EPHA5: variants seen among roughly 807,000 people sequenced by gnomAD.
EPHA5 encodes EPH receptor A5, also known as ephrin type-A receptor 5.
EPHA5 carries 60 observed loss-of-function variants against 105.0 expected under a neutral mutation model. The observed-to-expected ratio is 0.57, with a 90% CI of 0.46 to 0.71. The LOEUF is 0.71. Ranked by LOEUF, EPHA5 falls within the 30% of genes least tolerant of loss-of-function variation. The pLI is 0.00. For synonymous variants in EPHA5, 513 were observed against 449.1 expected (o/e 1.14, Z -1.80); for missense variants, 1,218 against 1,274.7 (o/e 0.96, Z 0.68).
intron 8 of EPHA5, among the ~76,000 whole-genome samples, chr4:65,393,985 G>T (rs1283813337): frequency 6.6e-6 from 1 of 152,106 alleles, no homozygotes; most frequent in Admixed American, 6.5e-5. Flanking sequence ...TACATTAAAT[G>T]GTGAACTAAA....
At chr4:65,407,573 ATG>A (rs1203368964) in intron 7 of EPHA5, among the ~76,000 whole-genome samples, 1 of 151,930 alleles carries the variant, frequency 6.6e-6, no homozygotes, top group African/African-American at 2.4e-5. Flanking sequence ...TTAATATTCT[ATG>A]TGTTTATCTA....
chr4:65,561,558 A>C (rs67430301), intron 3 of EPHA5, among the ~76,000 whole-genome samples: 31,019 of 151,976 alleles, frequency 0.2, 3,296 homozygotes, highest in Non-Finnish European at 0.22. Context: ...TCACATGTTC[A>C]CTTCCTAATT....
chr4:65,561,060 C>T (rs751839658), intron 3 of EPHA5, among the ~76,000 whole-genome samples: 4 of 151,780 alleles, frequency 2.6e-5, no homozygotes, highest in Admixed American at 6.6e-5. Context: ...AGGCATTTAT[C>T]GGTACCAATT....
intron 3 of EPHA5, among the ~76,000 whole-genome samples, chr4:65,538,177 A>T (rs1426616149): frequency 1.3e-5 from 2 of 151,820 alleles, no homozygotes; most frequent in Non-Finnish European, 2.9e-5. Context: ...AATACAAGGG[A>T]GGTCTAGGGT....
Position 65,443,905 on chromosome 4 carries a change from C to CTGTGTGTGTGTG in EPHA5, c.1403-23352_1403-23341dup, listed in dbSNP as rs57129731. On this transcript the variant is annotated intron_variant, in intron 5 of 16. Transcript: ENST00000613740. ...TTTCTACTTGCAGATGTTTGTGTGC[C>CTGTGTGTGTGTG]TGTGTGTGTGTGTGTGTGTGTGTGC... 1.7e-4 allele frequency among the ~76,000 whole-genome samples: 26 copies of CTGTGTGTGTGTG among 150,044 alleles called. No homozygotes were observed. The East Asian group carries it at 1.8e-3, about 10-fold the overall frequency.
intron 8 of EPHA5, among the ~76,000 whole-genome samples, chr4:65,375,788 C>CAT (rs1482540006): frequency 1.4e-5 from 1 of 69,706 alleles, no homozygotes; most frequent in African/African-American, 9.9e-5. Flanking sequence ...CACACACATA[C>CAT]ACACACACAC....
Position 65,487,309 on chromosome 4 carries a change from CTT to C in EPHA5, c.1402+3066_1402+3067del, listed in dbSNP as rs528491666. Reference sequence around the variant, plus strand: ...CATTCCTCGGGATAGACTGAACTAACTTTGGGGGGAATTTAGTTTATGGTTTA... The same window carrying C: ...CATTCCTCGGGATAGACTGAACTAACTGGGGGGAATTTAGTTTATGGTTTA... On this transcript the variant is annotated intron_variant, in intron 5 of 16. Transcript: ENST00000613740. Among the ~76,000 whole-genome samples, 333 of 152,254 alleles carry C rather than the reference CTT, an allele frequency of 2.2e-3. 1 individual carries two copies. Among genetic ancestry groups the C allele is most frequent in the Non-Finnish European group, 3.5e-3 (239 of 68,016 alleles).
intron 3 of EPHA5, among the ~76,000 whole-genome samples, chr4:65,556,749 G>C (rs1396052980): frequency 6.6e-6 from 1 of 152,080 alleles, no homozygotes; most frequent in Non-Finnish European, 1.5e-5. Flanking sequence ...TAGAGCATTA[G>C]CTTCAGCACT....
At chr4:65,631,472 A>G (rs933322158) in intron 2 of EPHA5, among the ~76,000 whole-genome samples, 2 of 152,178 alleles carry the variant, frequency 1.3e-5, no homozygotes, top group Non-Finnish European at 2.9e-5. Context: ...TGATCAAAAC[A>G]TAATGAACTT....
At chr4:65,413,383 AAAG>A (rs1442629274) in intron 7 of EPHA5, among the ~76,000 whole-genome samples, 2 of 152,174 alleles carry the variant, frequency 1.3e-5, no homozygotes, top group East Asian at 1.9e-4. Flanking sequence ...TATGCTTTAA[AAAG>A]AAGATCTTGA....
In EPHA5 at chr4:65,367,252, A is replaced by T. The variant is rs1028512103; in HGVS notation, c.1861+105T>A. 1.1e-5 allele frequency: 10 copies of T among 908,762 alleles called. No individual in the cohort carries two copies. The African/African-American group carries it at 1.5e-4, about 14-fold the overall frequency. The allele number at this position is 908,762 out of a possible 1,614,324, so 56.3% of individuals were successfully genotyped here. A position where few individuals can be genotyped will look rare whatever the true frequency, so the allele number is the denominator to read the frequency against. On this transcript the variant is annotated intron_variant, in intron 9 of 16. Coordinates refer to ENST00000613740, the MANE Select transcript of EPHA5 (RefSeq NM_001281766.3). ...GAACACTTTTAAAAAAAAAAAAAAC[A>T]ATATTTTGGTCAGTTATTATAAATC...
intron 2 of EPHA5, among the ~76,000 whole-genome samples, chr4:65,638,684 A>G (rs1219738578): frequency 1.3e-5 from 2 of 152,234 alleles, no homozygotes; most frequent in African/African-American, 4.8e-5. Flanking sequence ...GGTTGCGGTG[A>G]GTTGAGATCG....
intron 5 of EPHA5, among the ~76,000 whole-genome samples, chr4:65,446,689 T>C (rs1017689051): frequency 6.6e-6 from 1 of 152,008 alleles, no homozygotes; most frequent in South Asian, 2.1e-4. Flanking sequence ...TGTATGCACA[T>C]GGGGTGCATG....
chr4:65,661,539 A>G (rs192694237), intron 1 of EPHA5, among the ~76,000 whole-genome samples: 311 of 152,252 alleles, frequency 2.0e-3, no homozygotes, highest in Non-Finnish European at 3.4e-3. Flanking sequence ...CCAGTATGGC[A>G]TTACTACACT....
At chr4:65,565,688 C>T (rs151143700) in intron 3 of EPHA5, among the ~76,000 whole-genome samples, 119 of 148,412 alleles carry the variant, frequency 8.0e-4, no homozygotes, top group African/African-American at 2.8e-3. Flanking sequence ...CAAAAATAGC[C>T]ATTAAAAAAA....
At chr4:65,565,474 C>T (rs887522224) in intron 3 of EPHA5, among the ~76,000 whole-genome samples, 1 of 151,296 alleles carries the variant, frequency 6.6e-6, no homozygotes, top group African/African-American at 2.4e-5. Flanking sequence ...AAGAGATTTC[C>T]AATAAGGCTT....
At chr4:65,377,072 C>T (rs1339891362) in intron 8 of EPHA5, 1 of 1,606,996 alleles carries the variant, frequency 6.2e-7, no homozygotes, top group Non-Finnish European at 8.5e-7. Context: ...AACTGAAAAG[C>T]AAACAAGAGA....
intron 5 of EPHA5, among the ~76,000 whole-genome samples, chr4:65,433,116 T>C (rs1049195244): frequency 1.3e-5 from 2 of 152,008 alleles, no homozygotes; most frequent in African/African-American, 4.8e-5. Context: ...CAGAACAAAA[T>C]AAAATTTTCG....
At chr4:65,344,733 C>T (rs1722052319) in intron 14 of EPHA5, among the ~76,000 whole-genome samples, 1 of 152,100 alleles carries the variant, frequency 6.6e-6, no homozygotes, top group Admixed American at 6.5e-5. Context: ...TTCTGCAGGG[C>T]CTGTTAACAT....
Sources: gnomAD v4.1 joint callset for allele counts (sites outside exome capture counted in the v4.1 genomes callset) on GRCh38, gnomAD v4.1.1 for gene constraint, MANE v1.5 for transcripts, NCBI Gene and HGNC (gene_info 2026-07-23, HGNC 2026-07-21) for gene names.